Variants in MYO18A observed in about 807,000 individuals in gnomAD.
The protein encoded by MYO18A is unconventional myosin-XVIIIa.
MYO18A carries 78 observed loss-of-function variants against 235.8 expected under a neutral mutation model. The observed-to-expected ratio is 0.33, with a 90% CI of 0.28 to 0.40. The LOEUF (loss-of-function observed/expected upper bound fraction) is 0.40. Among genes scored for constraint, MYO18A ranks in the 10% least tolerant of loss-of-function variants. The pLI, the probability that MYO18A is intolerant of heterozygous loss-of-function variation, is 1.00. For missense variants in MYO18A, 2,215 were observed against 2,699.3 expected, an observed-to-expected ratio of 0.82 and a Z score of 3.98; for synonymous variants, 977 against 1,077.8, an observed-to-expected ratio of 0.91 and a Z score of 1.83.
intron 8 of MYO18A, among the ~76,000 whole-genome samples, chr17:29,119,044 A>G (rs1156354341): frequency 6.6e-6 from 1 of 152,134 alleles, no homozygotes; most frequent in Non-Finnish European, 1.5e-5. Context: ...CTTCATGGGT[A>G]ATGGAGATCC....
chr17:29,086,526 G>C lies in MYO18A; in HGVS notation c.5764C>G (p.Leu1922Val). The C allele has an allele frequency of 6.2e-7, 1 of 1,612,980 alleles. No homozygotes were observed. The highest frequency in any genetic ancestry group is 1.7e-5 in the Admixed American group (1 of 59,894). Residue 1922 changes from leucine to valine, a missense_variant, in exon 39 of 42, where the codon CTA becomes GTA. Coordinates refer to ENST00000527372, the MANE Select transcript of MYO18A (RefSeq NM_078471.4). ...EAANQSLQAD[L>V]KLAFKRIGDL... ...CCGATGCGCTTGAATGCCAACTTTA[G>C]GTCAGCCTGCAGGCTCTGGTTAGCA...
At chr17:29,136,855 A>G (rs1352139827) in intron 2 of MYO18A, among the ~76,000 whole-genome samples, 1 of 152,208 alleles carries the variant, frequency 6.6e-6, no homozygotes, top group Non-Finnish European at 1.5e-5. Context: ...GCATGGATTG[A>G]TAGTGTGTTT....
At chr17:29,122,678 C>G (rs1408164228) in intron 2 of MYO18A, among the ~76,000 whole-genome samples, 2 of 152,246 alleles carry the variant, frequency 1.3e-5, no homozygotes, top group African/African-American at 2.4e-5. Context: ...TAGGATCTTC[C>G]GTGCCCAGCT....
At position 29,109,951 on chromosome 17, in the gene MYO18A, A is replaced by G. The variant is rs543236838; in HGVS notation, c.3238T>C (p.Cys1080Arg). The change falls in exon 19 of 42, where the codon TGC (cysteine) becomes CGC (arginine). Residue 1080 changes from cysteine (C) to arginine (R), a missense_variant. Physicochemically the swap from Cys to Arg is radical, Grantham distance 180. Coordinates refer to ENST00000527372, the MANE Select transcript of MYO18A (RefSeq NM_078471.4). The surrounding 1 kb of genome is among the most constrained non-coding windows in gnomAD (Gnocchi z 4.1). ...TCGAGCTGCAGGAGCCCAGCCTCGC[A>G]GTGGTCTCCCGAGGGCAGGTCCAGC... Reference protein sequence around the residue: ...SELDLPSGDHCEAGLLQLDVP... With the variant: ...SELDLPSGDHREAGLLQLDVP... 5 of 1,608,600 alleles carry G rather than the reference A, an allele frequency of 3.1e-6. No individual in the cohort carries two copies. The highest frequency in any genetic ancestry group is 4.2e-6 in the Non-Finnish European group (5 of 1,177,824).
At chr17:29,137,303 T>C (rs753473016) in intron 2 of MYO18A, among the ~76,000 whole-genome samples, 10 of 152,216 alleles carry the variant, frequency 6.6e-5, no homozygotes, top group Non-Finnish European at 1.3e-4. Flanking sequence ...ACAGGGGTTC[T>C]TTGCACAAAC....
intron 36 of MYO18A, 140 bp from the exon 37 acceptor site, chr17:29,090,238 C>T: frequency 9.8e-7 from 1 of 1,022,566 alleles, no homozygotes; most frequent in Non-Finnish European, 1.4e-6. Flanking sequence ...GAATGGAGCC[C>T]TGGGCCAGAG....
In MYO18A at chr17:29,118,161, T is replaced by C. The variant is rs1286393958; in HGVS notation, c.1922A>G (p.Gln641Arg). The change falls in exon 10 of 42, where the codon CAG becomes CGG. Residue 641 changes from glutamine to arginine, a missense_variant. Gln to Arg is a conservative substitution (Grantham distance 43). Coordinates refer to ENST00000527372, the MANE Select transcript of MYO18A (RefSeq NM_078471.4). The surrounding 1 kb of genome is among the most constrained non-coding windows in gnomAD (Gnocchi z 4.2). ...KPEEKQKAAQ[Q>R]FSKLQAAMKV... is the part of the protein sequence containing the mutation. ...CATGGCCGCCTGCAGCTTACTAAAC[T>C]GCTGAGCTGCCTTCTGCTTTTCCTC... The C allele has an allele frequency of 1.3e-6, 2 of 1,599,276 alleles. No homozygotes were observed. Among genetic ancestry groups the C allele is most frequent in the Non-Finnish European group, 8.5e-7 (1 of 1,172,256 alleles).
At chr17:29,077,143 T>C (rs1470013034) in intron 41 of MYO18A, 1 of 152,260 alleles carries the variant, frequency 6.6e-6, no homozygotes, top group African/African-American at 2.4e-5. Flanking sequence ...CTCTCTGCCT[T>C]GGGCTGCGGA....
At chr17:29,081,160 G>T (rs2066112557) in intron 41 of MYO18A, among the ~76,000 whole-genome samples, 1 of 152,200 alleles carries the variant, frequency 6.6e-6, no homozygotes, top group South Asian at 2.1e-4. Flanking sequence ...CAGCAGCCCT[G>T]GCAAAGTGGT....
At position 29,120,936 on chromosome 17, in the gene MYO18A, GCT is replaced by G; in HGVS notation, c.1585+60_1585+61del. 2 of 1,566,070 alleles carry G rather than the reference GCT, an allele frequency of 1.3e-6. No individual in the cohort carries two copies. Among genetic ancestry groups the G allele is most frequent in the South Asian group, 1.2e-5 (1 of 86,724 alleles). ...AAAAAGAGCTGGCACTTAAGAGGGT[GCT>G]CTCTCCTCACTCCCCTCCCCTCACC... On this transcript the variant is annotated intron_variant, in intron 6 of 41. Transcript: ENST00000527372. This position sits in a 1 kb window ranked among gnomAD's most constrained non-coding sequence, Gnocchi z 4.2.
At chr17:29,154,468 G>A (rs1287238935) in intron 2 of MYO18A, among the ~76,000 whole-genome samples, 9 of 152,208 alleles carry the variant, frequency 5.9e-5, no homozygotes, top group Admixed American at 2.0e-4. Context: ...CAGGGCAATC[G>A]GGGCTCTGCC....
At chr17:29,148,309 C>T (rs893055897) in intron 2 of MYO18A, among the ~76,000 whole-genome samples, 3 of 152,114 alleles carry the variant, frequency 2.0e-5, no homozygotes, top group South Asian at 2.1e-4. Context: ...TACAAATTTG[C>T]GGTGTGTAAA....
At chr17:29,079,683 C>T (rs1598263013) in intron 41 of MYO18A, 1 of 981,860 alleles carries the variant, frequency 1.0e-6, no homozygotes, top group Non-Finnish European at 1.2e-6. Context: ...TAGTTCACAC[C>T]GGGTGGGACA....
chr17:29,120,931 AG>A lies in MYO18A; in HGVS notation c.1585+66del. On this transcript the variant is annotated intron_variant, in intron 6 of 41. Coordinates refer to ENST00000527372, the MANE Select transcript of MYO18A (RefSeq NM_078471.4). The surrounding 1 kb of genome is among the most constrained non-coding windows in gnomAD (Gnocchi z 4.2). ...GGGAGAAAAAGAGCTGGCACTTAAG[AG>A]GGTGCTCTCTCCTCACTCCCCTCCC... 1 of 1,566,230 alleles carries A rather than the reference AG, an allele frequency of 6.4e-7. No individual in the cohort carries two copies. The highest frequency in any genetic ancestry group is 8.7e-7 in the Non-Finnish European group (1 of 1,151,824).
chr17:29,152,061 G>C (rs1316005834), intron 2 of MYO18A, among the ~76,000 whole-genome samples: 3 of 152,176 alleles, frequency 2.0e-5, no homozygotes, highest in African/African-American at 7.2e-5. Context: ...TGGCGGGTCT[G>C]ACCACTGTTG....
chr17:29,169,376 A>G (rs946209313), intron 1 of MYO18A, among the ~76,000 whole-genome samples: 1 of 152,146 alleles, frequency 6.6e-6, no homozygotes, highest in African/African-American at 2.4e-5. Flanking sequence ...TAAATGCTAC[A>G]TGCACAGTAC....
chr17:29,076,829 T>C (rs977857134), intron 41 of MYO18A: 1 of 152,208 alleles, frequency 6.6e-6, no homozygotes, highest in East Asian at 1.9e-4. Flanking sequence ...GTGCCTGGCT[T>C]TGTGGAAAGA....
intron 41 of MYO18A, chr17:29,080,926 A>T: frequency 6.1e-6 from 6 of 985,380 alleles, no homozygotes; most frequent in Non-Finnish European, 7.2e-6. Flanking sequence ...CTTTAGGGTG[A>T]GCCGCTTCCG....
intron 2 of MYO18A, chr17:29,128,368 C>A: frequency 7.8e-7 from 1 of 1,285,434 alleles, no homozygotes; most frequent in Non-Finnish European, 1.0e-6. Context: ...CCACCCGCTT[C>A]CGGGACAGGC....
Sources: allele counts gnomAD v4.1 joint callset (sites outside exome capture counted in the v4.1 genomes callset), GRCh38; gene constraint gnomAD v4.1.1; non-coding constraint Gnocchi (gnomAD v3.1); transcripts MANE v1.5; gene names NCBI Gene and HGNC (gene_info 2026-07-23, HGNC 2026-07-21).